TEX22: variants seen among roughly 807,000 people sequenced by gnomAD.
The protein encoded by TEX22 is testis-expressed protein 22.
In TEX22, 16 loss-of-function variants were observed where a neutral mutation model predicts 11.3. That is an observed-to-expected ratio of 1.42 (90% confidence interval 0.96 to 2.15). TEX22 has a LOEUF of 2.15. Ranked by LOEUF, TEX22 falls within the 30% of genes most tolerant of loss-of-function variation. The pLI, the probability that TEX22 is intolerant of heterozygous loss-of-function variation, is 0.00. For missense variants in TEX22, 220 were observed against 208.6 expected, an observed-to-expected ratio of 1.05 and a Z score of -0.34; for synonymous variants, 97 against 92.3, an observed-to-expected ratio of 1.05 and a Z score of -0.29.
chr14:105,402,531 G>T (rs1188012360), intron 2 of TEX22, among the ~76,000 whole-genome samples: 2 of 151,840 alleles, frequency 1.3e-5, no homozygotes, highest in African/African-American at 2.4e-5. Context: ...GGGGCGGGCA[G>T]ATCACAAGGT....
Position 105,411,715 on chromosome 14 carries a change from T to C in TEX22, c.335T>C (p.Leu112Pro), listed in dbSNP as rs1722734040. 6.5e-7 allele frequency: 1 copy of C among 1,527,830 alleles called. No homozygotes were observed. The highest frequency in any genetic ancestry group is 1.2e-5 in the South Asian group (1 of 83,888). The allele number at this position is 1,527,830 out of a possible 1,614,324, so 94.6% of individuals were successfully genotyped here. A position where few individuals can be genotyped will look rare whatever the true frequency, so the allele number is the denominator to read the frequency against. The change falls in exon 4 of 4, where the codon CTC (leucine) becomes CCC (proline). Residue 112 changes from leucine to proline, a missense_variant. Transcript: ENST00000451127. ...LVSEDVDKDV[L>P]LPHPLRSTES... ...TCGGAGGACGTGGACAAGGACGTGC[T>C]CCTTCCCCACCCGCTGAGGTCCACC...
At chr14:105,402,221 C>T (rs966589271) in intron 2 of TEX22, among the ~76,000 whole-genome samples, 7 of 151,946 alleles carry the variant, frequency 4.6e-5, no homozygotes, top group Non-Finnish European at 8.8e-5. Flanking sequence ...AACCGAAGCC[C>T]TTATAGTAAA....
rs944160753 is a variant in TEX22, at chr14:105,399,426, T to C, written c.86T>C (p.Ile29Thr). Residue 29 changes from isoleucine (I) to threonine (T), a missense_variant, in exon 2 of 4, where the codon ATA becomes ACA. Transcript: ENST00000451127. Reference protein sequence around the residue: ...QEHRRPPLGLIAAWGQPSIQS... With the variant: ...QEHRRPPLGLTAAWGQPSIQS... ...CACAGGCGGCCCCCACTGGGCCTGA[T>C]AGCAGCCTGGGGCCAGCCCAGTATC... 1.3e-6 allele frequency: 2 copies of C among 1,535,710 alleles called. No homozygotes were observed. The highest frequency in any genetic ancestry group is 1.4e-5 in the African/African-American group (1 of 73,044).
At chr14:105,409,784 TC>T (rs1262579446) in intron 2 of TEX22, among the ~76,000 whole-genome samples, 121 of 144,968 alleles carry the variant, frequency 8.3e-4, no homozygotes, top group African/African-American at 3.3e-3. Context: ...TTTCTCTCTC[TC>T]TTTTTTTTTT....
intron 2 of TEX22, among the ~76,000 whole-genome samples, chr14:105,399,926 G>C (rs2081616858): frequency 6.6e-6 from 1 of 152,234 alleles, no homozygotes; most frequent in African/African-American, 2.4e-5. Flanking sequence ...CAAAATAGTG[G>C]GAGAGGCTCT....
At chr14:105,404,028 T>G (rs1193050633) in intron 2 of TEX22, among the ~76,000 whole-genome samples, 1 of 152,218 alleles carries the variant, frequency 6.6e-6, no homozygotes, top group Non-Finnish European at 1.5e-5. Context: ...CTTAAAACAG[T>G]AAGTATTTTT....
intron 2 of TEX22, among the ~76,000 whole-genome samples, chr14:105,406,312 C>T (rs1376151448): frequency 6.6e-6 from 1 of 152,230 alleles, no homozygotes; most frequent in Non-Finnish European, 1.5e-5. Context: ...TGTTAAACGA[C>T]AGCCTGGAAG....
chr14:105,404,297 C>T lies in TEX22; in HGVS notation c.150+4807C>T, dbSNP rs181409799. Among the ~76,000 whole-genome samples, 102 of 152,312 alleles carry T rather than the reference C, an allele frequency of 6.7e-4. 2 individuals are homozygous for T. The highest frequency in any genetic ancestry group is 2.2e-3 in the African/African-American group (92 of 41,566). ...GTATCCTCAGTATGGGGGCTGGCTTCCCCCAGAGTGAGTGAGTGGAGAGAG... is the reference window on the plus strand; with the variant it reads ...GTATCCTCAGTATGGGGGCTGGCTTTCCCCAGAGTGAGTGAGTGGAGAGAG... On this transcript the variant is annotated intron_variant, in intron 2 of 3. Coordinates refer to ENST00000451127, the MANE Select transcript of TEX22 (RefSeq NM_001195082.2).
At chr14:105,401,627 A>T (rs587749608) in intron 2 of TEX22, among the ~76,000 whole-genome samples, 1 of 151,922 alleles carries the variant, frequency 6.6e-6, no homozygotes, top group South Asian at 2.1e-4. Flanking sequence ...GATACACCTA[A>T]TGCTAAATGA....
intron 2 of TEX22, among the ~76,000 whole-genome samples, chr14:105,405,345 G>A (rs2141358902): frequency 6.6e-6 from 1 of 152,220 alleles, no homozygotes; most frequent in South Asian, 2.1e-4. Context: ...GAGTTTGCCT[G>A]CCCTCACATA....
At chr14:105,401,193 C>T (rs1164667484) in intron 2 of TEX22, among the ~76,000 whole-genome samples, 2 of 152,092 alleles carry the variant, frequency 1.3e-5, no homozygotes, top group African/African-American at 2.4e-5. Context: ...GTGTCTGGCA[C>T]ATAGTAGGTG....
At chr14:105,402,769 AAAAAAG>A (rs2081639377) in intron 2 of TEX22, among the ~76,000 whole-genome samples, 2 of 152,204 alleles carry the variant, frequency 1.3e-5, no homozygotes, top group African/African-American at 4.8e-5. Flanking sequence ...AAAAAAAAAA[AAAAAAG>A]AGAAACCTGT....
At chr14:105,411,541 C>T in intron 3 of TEX22, 45 bp downstream of exon 3, 16 of 1,147,650 alleles carry the variant, frequency 1.4e-5, no homozygotes, top group Non-Finnish European at 1.7e-5. Context: ...CGCCCCGCCC[C>T]GCCCCTCCGC....
chr14:105,402,755 C>CAAAA (rs1195065703), intron 2 of TEX22, among the ~76,000 whole-genome samples: 2 of 68,402 alleles, frequency 2.9e-5, no homozygotes, highest in East Asian at 4.3e-4. Flanking sequence ...GACTCCGTCT[C>CAAAA]AAAAAAAAAA....
intron 2 of TEX22, among the ~76,000 whole-genome samples, chr14:105,407,129 G>A (rs587766589): frequency 1.3e-5 from 2 of 148,770 alleles, no homozygotes; most frequent in Non-Finnish European, 3.0e-5. Flanking sequence ...GTGCAGTGGC[G>A]TGATCTTGGC....
At chr14:105,403,958 G>C (rs1241803041) in intron 2 of TEX22, among the ~76,000 whole-genome samples, 1 of 152,214 alleles carries the variant, frequency 6.6e-6, no homozygotes, top group Non-Finnish European at 1.5e-5. Flanking sequence ...ACCATACCCA[G>C]CCTTTGGCAA....
rs1446416965 is a variant in TEX22 at position 105,398,556 on chromosome 14, G to T, written c.-119G>T. The T allele has an allele frequency of 6.6e-6, 1 of 152,210 alleles. No individual in the cohort carries two copies. The highest frequency in any genetic ancestry group is 1.9e-4 in the East Asian group (1 of 5,168). 9.4% of individuals were successfully genotyped at this position (152,210 alleles called of 1,614,324 possible). A position where few individuals can be genotyped will look rare whatever the true frequency, so the allele number is the denominator to read the frequency against. ...GGGGCTTGCCGTAGCGGACGTTCTG[G>T]AGCGAGGCGCCGGCCCCTTGGGCCC... On this transcript the variant is annotated 5_prime_UTR_variant, in exon 1 of 4. Transcript: ENST00000451127.
At chr14:105,408,772 CCGCAGAG>C (rs1420556675) in intron 2 of TEX22, among the ~76,000 whole-genome samples, 2 of 152,174 alleles carry the variant, frequency 1.3e-5, no homozygotes, top group African/African-American at 4.8e-5. Context: ...CCATGCCCCA[CCGCAGAG>C]ACGAAGGGTG....
At chr14:105,399,268 G>GCCCCCCCCC in intron 1 of TEX22, 34 bp from the exon 2 acceptor site, 4 of 1,272,362 alleles carry the variant, frequency 3.1e-6, no homozygotes, top group Non-Finnish European at 3.2e-6. Context: ...GGCCTTGTGG[G>GCCCCCCCCC]CCCCGCCCCA....
Sources: allele counts gnomAD v4.1 joint callset (sites outside exome capture counted in the v4.1 genomes callset), GRCh38; gene constraint gnomAD v4.1.1; transcripts MANE v1.5; gene names NCBI Gene and HGNC (gene_info 2026-07-23, HGNC 2026-07-21).